SMAP1: variants seen among roughly 807,000 people sequenced by gnomAD.
SMAP1 encodes stromal membrane-associated protein 1.
SMAP1 carries 24 observed loss-of-function variants against 58.5 expected under a neutral mutation model. The observed-to-expected ratio is 0.41, with a 90% CI of 0.30 to 0.58. SMAP1 has a LOEUF of 0.58. SMAP1 is among the 20% of genes least tolerant of loss of function. The probability of loss-of-function intolerance (pLI) is 0.29; values close to 1 mark genes in which losing one functional copy is unlikely to be tolerated. For missense variants in SMAP1, 563 were observed against 566.3 expected, an observed-to-expected ratio of 0.99 and a Z score of 0.06; for synonymous variants, 216 against 196.6, an observed-to-expected ratio of 1.10 and a Z score of -0.82.
chr6:70,709,596 A>G (rs886363445), intron 1 of SMAP1, among the ~76,000 whole-genome samples: 6 of 152,194 alleles, frequency 3.9e-5, no homozygotes, highest in Non-Finnish European at 8.8e-5. Context: ...TGTTGGGATT[A>G]TAGGTGTGAG....
At chr6:70,857,614 A>G (rs112170435) in intron 9 of SMAP1, 17 of 316,796 alleles carry the variant, frequency 5.4e-5, no homozygotes, top group African/African-American at 4.3e-5. Context: ...CAAATCAGCA[A>G]TAAAACAGTG....
intron 6 of SMAP1, among the ~76,000 whole-genome samples, chr6:70,812,796 C>T (rs1230491249): frequency 1.3e-5 from 2 of 152,030 alleles, no homozygotes; most frequent in Non-Finnish European, 2.9e-5. Context: ...TTCAGGGAAC[C>T]GGAATAGAGA....
intron 4 of SMAP1, among the ~76,000 whole-genome samples, chr6:70,784,966 A>C (rs1005717715): frequency 3.3e-5 from 5 of 152,228 alleles, no homozygotes; most frequent in African/African-American, 1.2e-4. Context: ...ATAGACATCT[A>C]CAGACCTCTC....
At chr6:70,818,457 T>C (rs1384388054) in intron 6 of SMAP1, among the ~76,000 whole-genome samples, 1 of 152,134 alleles carries the variant, frequency 6.6e-6, no homozygotes, top group East Asian at 1.9e-4. Flanking sequence ...TTTTGCCACA[T>C]ACAAATGTAT....
chr6:70,784,381 G>T (rs1767907887), intron 4 of SMAP1, among the ~76,000 whole-genome samples: 1 of 152,166 alleles, frequency 6.6e-6, no homozygotes, highest in African/African-American at 2.4e-5. Flanking sequence ...AGGCTAGGAA[G>T]AAACTGCATC....
At chr6:70,828,130 A>G (rs1228186272) in intron 6 of SMAP1, among the ~76,000 whole-genome samples, 3 of 152,136 alleles carry the variant, frequency 2.0e-5, no homozygotes, top group South Asian at 4.1e-4. Flanking sequence ...ATAGCTATCA[A>G]TCTATATAGG....
At chr6:70,724,163 GTTT>G (rs1245908417) in intron 1 of SMAP1, among the ~76,000 whole-genome samples, 1 of 147,860 alleles carries the variant, frequency 6.8e-6, no homozygotes, top group Non-Finnish European at 1.5e-5. Context: ...TGTTGTTGTT[GTTT>G]TTTTGTTTTT....
At chr6:70,727,050 T>C (rs1054688101) in intron 1 of SMAP1, among the ~76,000 whole-genome samples, 1 of 152,118 alleles carries the variant, frequency 6.6e-6, no homozygotes, top group Non-Finnish European at 1.5e-5. Context: ...ACCAAGAATG[T>C]ACCTTGTTCT....
At chr6:70,687,866 A>G (rs1766996065) in intron 1 of SMAP1, among the ~76,000 whole-genome samples, 2 of 152,280 alleles carry the variant, frequency 1.3e-5, no homozygotes, top group South Asian at 4.1e-4. Flanking sequence ...GTGAAGATTC[A>G]TATATCTGCC....
intron 1 of SMAP1, among the ~76,000 whole-genome samples, chr6:70,729,459 T>TGTGTGTGTGTGTGTGTGTG (rs1554194434): frequency 1.6e-5 from 2 of 128,164 alleles, no homozygotes; most frequent in African/African-American, 5.9e-5. Context: ...AAAAAGAAGG[T>TGTGTGTGTGTGTGTGTGTG]TGTGTGTGTG....
At chr6:70,726,883 G>GTA (rs1289991192) in intron 1 of SMAP1, among the ~76,000 whole-genome samples, 1 of 144,346 alleles carries the variant, frequency 6.9e-6, no homozygotes, top group African/African-American at 2.8e-5. Context: ...GGGTGTGTGT[G>GTA]TGTGTGTGTG....
intron 7 of SMAP1, 134 bp downstream of exon 7, chr6:70,837,162 G>T: frequency 1.8e-6 from 1 of 561,894 alleles, no homozygotes; most frequent in Non-Finnish European, 2.9e-6. Context: ...GGTATGATTA[G>T]TTTGCTAACT....
chr6:70,676,210 A>G (rs1027641495), intron 1 of SMAP1, among the ~76,000 whole-genome samples: 1 of 152,368 alleles, frequency 6.6e-6, no homozygotes. Flanking sequence ...AACGATGAGT[A>G]CAACTGTATA....
chr6:70,776,355 A>G (rs1767547578), intron 4 of SMAP1, among the ~76,000 whole-genome samples: 1 of 151,906 alleles, frequency 6.6e-6, no homozygotes, highest in South Asian at 2.1e-4. Context: ...TAATTTTTGT[A>G]TTTTTAGTAG....
rs561764212 is a variant in SMAP1 at position 70,861,262 on chromosome 6, C to T, written c.*928C>T. The T allele has an allele frequency of 2.8e-3, 498 of 178,792 alleles. 2 individuals carry two copies. Among genetic ancestry groups the T allele is most frequent in the African/African-American group, 9.9e-3 (422 of 42,566 alleles). 11.1% of individuals were successfully genotyped at this position (178,792 alleles called of 1,614,324 possible). A position where few individuals can be genotyped will look rare whatever the true frequency, so the allele number is the denominator to read the frequency against. ...TTGCAAAGTCAGGAATCATCAGGAA[C>T]GTTTAGCTGACAAAATACTTGTCTG... On this transcript the variant is annotated 3_prime_UTR_variant, in exon 11 of 11. Transcript: ENST00000370455.
At chr6:70,839,739 G>A (rs1770730920) in intron 7 of SMAP1, among the ~76,000 whole-genome samples, 1 of 152,124 alleles carries the variant, frequency 6.6e-6, no homozygotes, top group Non-Finnish European at 1.5e-5. Flanking sequence ...CAGGGAAGAG[G>A]AAGTGTCTTA....
intron 7 of SMAP1, among the ~76,000 whole-genome samples, chr6:70,844,454 G>A (rs925082326): frequency 6.6e-6 from 1 of 152,120 alleles, no homozygotes; most frequent in Non-Finnish European, 1.5e-5. Flanking sequence ...AAGTTGGCTG[G>A]TTTGTAGAAA....
Position 70,770,667 on chromosome 6 carries a change from TTTTCAACTTC to T in SMAP1, c.339-2679_339-2670del, listed in dbSNP as rs1207688699. Among the ~76,000 whole-genome samples, 4 of 152,184 alleles carry T rather than the reference TTTTCAACTTC, an allele frequency of 2.6e-5. No individual in the cohort carries two copies. The East Asian group carries it at 7.7e-4, about 29-fold the overall frequency. ...ACATTCGTCTGAATTTTTTTCACAG[TTTTCAACTTC>T]TTTGCCTTTGGTTTGAATTTCCTCT... On this transcript the variant is annotated intron_variant, in intron 3 of 10. Transcript: ENST00000370455.
chr6:70,850,004 T>C (rs1271458191), intron 7 of SMAP1, among the ~76,000 whole-genome samples: 1 of 152,188 alleles, frequency 6.6e-6, no homozygotes, highest in Non-Finnish European at 1.5e-5. Flanking sequence ...AAATAAGACT[T>C]CAGAAACCAA....
Sources: gnomAD v4.1 joint callset for allele counts (sites outside exome capture counted in the v4.1 genomes callset) on GRCh38, gnomAD v4.1.1 for gene constraint, MANE v1.5 for transcripts, NCBI Gene and HGNC (gene_info 2026-07-23, HGNC 2026-07-21) for gene names.